Variants in PRICKLE2 observed in about 807,000 individuals in gnomAD.
PRICKLE2 encodes prickle-like protein 2.
In PRICKLE2, 21 loss-of-function variants were observed where a neutral mutation model predicts 81.4. The ratio of observed to expected loss-of-function variants is 0.26; its 90% CI spans 0.18 to 0.37. The LOEUF is 0.37. PRICKLE2 is among the 10% of genes least tolerant of loss of function. The pLI is 1.00. For missense variants in PRICKLE2, 940 were observed against 1,109.0 expected (o/e 0.85, Z 2.16); for synonymous variants, 456 against 421.5 (o/e 1.08, Z -1.00).
At chr3:64,263,434 G>A (rs1162803323) in intron 2 of PRICKLE2, among the ~76,000 whole-genome samples, 4 of 152,148 alleles carry the variant, frequency 2.6e-5, no homozygotes, top group African/African-American at 9.7e-5. Context: ...GAGAAATCAG[G>A]TCAGGCCAAG....
At chr3:64,212,826 T>G (rs704396) in intron 1 of PRICKLE2, among the ~76,000 whole-genome samples, 27,579 of 152,068 alleles carry the variant, frequency 0.18, 3,113 homozygotes, top group East Asian at 0.41. Flanking sequence ...AACAAAAGTA[T>G]TTAGGGTTCT....
At chr3:64,201,452 C>T (rs1182033065) in intron 1 of PRICKLE2, among the ~76,000 whole-genome samples, 1 of 152,086 alleles carries the variant, frequency 6.6e-6, no homozygotes, top group Non-Finnish European at 1.5e-5. Context: ...GGGTATAAAA[C>T]AGTATTTAAT....
At chr3:64,218,454 G>T (rs2078905389) in intron 1 of PRICKLE2, among the ~76,000 whole-genome samples, 1 of 152,138 alleles carries the variant, frequency 6.6e-6, no homozygotes, top group Admixed American at 6.5e-5. Context: ...CAGGTGATAT[G>T]AATTCAAATC....
At chr3:64,244,544 A>AG (rs55916169) in intron 2 of PRICKLE2, among the ~76,000 whole-genome samples, 12,766 of 151,970 alleles carry the variant, frequency 0.084, 798 homozygotes, top group Non-Finnish European at 0.12. Context: ...GTTGGCCACT[A>AG]GGTGATGATG....
intron 2 of PRICKLE2, among the ~76,000 whole-genome samples, chr3:64,264,815 T>C (rs1053665152): frequency 6.6e-6 from 1 of 152,248 alleles, no homozygotes; most frequent in African/African-American, 2.4e-5. Flanking sequence ...ATGTCACGTA[T>C]ACGCTCCCTG....
At chr3:64,140,763 A>T (rs1261370424) in intron 7 of PRICKLE2, among the ~76,000 whole-genome samples, 2 of 152,082 alleles carry the variant, frequency 1.3e-5, no homozygotes, top group Admixed American at 6.6e-5. Context: ...ACCTTGGCAC[A>T]TCATCTTGGA....
At chr3:64,198,511 G>C (rs1034702005) in intron 2 of PRICKLE2, among the ~76,000 whole-genome samples, 4 of 152,124 alleles carry the variant, frequency 2.6e-5, no homozygotes, top group African/African-American at 9.7e-5. Flanking sequence ...ATTTCACTGA[G>C]AAAAATGTGG....
At chr3:64,218,883 G>A (rs1019738809) in intron 1 of PRICKLE2, among the ~76,000 whole-genome samples, 4 of 152,062 alleles carry the variant, frequency 2.6e-5, no homozygotes, top group Admixed American at 2.0e-4. Flanking sequence ...ACGCCCCCAG[G>A]TAGATGCACA....
chr3:64,162,858 T>A (rs2077756683), intron 3 of PRICKLE2, among the ~76,000 whole-genome samples, 158 bp downstream of exon 3: 1 of 152,232 alleles, frequency 6.6e-6, no homozygotes. Flanking sequence ...AAGTAAATTG[T>A]TGGCCAGTTT....
intron 7 of PRICKLE2, chr3:64,103,024 T>G (rs1179366315): frequency 6.6e-6 from 1 of 152,234 alleles, no homozygotes; most frequent in Non-Finnish European, 1.5e-5. Context: ...AGGTTAACAA[T>G]GGATCAATCT....
rs886058801 is a variant in PRICKLE2 at position 64,157,272 on chromosome 3, C to A, written c.490G>T (p.Val164Phe). ...AGATCCACCAGGAGCTCATTGCAGA[C>A]AGTGCATACGAAGCACGGCGGGTGC... ...CWHPPCFVCT[V>F]CNELLVDLIY... Residue 164 changes from valine (V) to phenylalanine (F), a missense_variant, in exon 5 of 8, where the codon GTC becomes TTC. Transcript: ENST00000638394. The A allele has an allele frequency of 4.3e-6, 7 of 1,614,240 alleles. No homozygotes were observed. Among genetic ancestry groups the A allele is most frequent in the Non-Finnish European group, 8.5e-7 (1 of 1,180,042 alleles).
At chr3:64,148,479 T>C (rs940572531) in intron 6 of PRICKLE2, among the ~76,000 whole-genome samples, 1 of 152,246 alleles carries the variant, frequency 6.6e-6, no homozygotes, top group East Asian at 1.9e-4. Flanking sequence ...GCCTGGTGTA[T>C]GACAGGGCTC....
intron 7 of PRICKLE2, among the ~76,000 whole-genome samples, chr3:64,131,415 C>T: frequency 6.6e-6 from 1 of 152,144 alleles, no homozygotes. Context: ...CAGAAATATC[C>T]AAAGAGCCCT....
Position 64,205,125 on chromosome 3 carries a change from G to C in PRICKLE2, c.-40-6158C>G, listed in dbSNP as rs2078660931. Among the ~76,000 whole-genome samples the C allele has an allele frequency of 2.7e-5, 4 of 146,056 alleles. No homozygotes were observed. In the South Asian group the frequency reaches 8.7e-4, roughly 32 times the overall value. On this transcript the variant is annotated intron_variant, in intron 1 of 7. Transcript: ENST00000638394. ...TTAAAAAAAAAAAAAAACATACAAA[G>C]GGTGCATTGGCTTCATTCTGTCAGA...
intron 2 of PRICKLE2, among the ~76,000 whole-genome samples, chr3:64,171,709 G>C (rs150793028): frequency 3.3e-5 from 5 of 152,306 alleles, no homozygotes; most frequent in African/African-American, 1.2e-4. Context: ...TACAGCAAGA[G>C]AATAAACAAG....
At chr3:64,138,171 C>T (rs547740935) in intron 7 of PRICKLE2, among the ~76,000 whole-genome samples, 1 of 152,310 alleles carries the variant, frequency 6.6e-6, no homozygotes, top group South Asian at 2.1e-4. Flanking sequence ...CTTAATCCCT[C>T]TTCCTTTGAA....
At position 64,162,386 on chromosome 3, in the gene PRICKLE2, A is replaced by C. The variant is rs368720883; in HGVS notation, c.258+630T>G. Among the ~76,000 whole-genome samples the C allele has an allele frequency of 2.0e-5, 3 of 152,228 alleles. No homozygotes were observed. The East Asian group carries it at 5.8e-4, about 29-fold the overall frequency. On this transcript the variant is annotated intron_variant, in intron 3 of 7. Transcript: ENST00000638394. ...TGTTTACAAATTTCTCTTTATGAGC[A>C]ATCAGATTTCGAGGATAAGAGATGC... is the stretch of plus-strand genomic sequence containing the variant.
At chr3:64,192,448 C>T (rs904326728) in intron 2 of PRICKLE2, among the ~76,000 whole-genome samples, 2 of 152,202 alleles carry the variant, frequency 1.3e-5, no homozygotes, top group African/African-American at 4.8e-5. Flanking sequence ...TGCTACAAAG[C>T]ATGTAACTGA....
chr3:64,220,441 T>G (rs762329944), intron 1 of PRICKLE2, among the ~76,000 whole-genome samples: 6 of 152,158 alleles, frequency 3.9e-5, no homozygotes, highest in Admixed American at 1.3e-4. Flanking sequence ...GGTGCTGGGT[T>G]GGAAAACATA....
Sources: gnomAD v4.1 joint callset for allele counts (sites outside exome capture counted in the v4.1 genomes callset) on GRCh38, gnomAD v4.1.1 for gene constraint, MANE v1.5 for transcripts, NCBI Gene and HGNC (gene_info 2026-07-23, HGNC 2026-07-21) for gene names.